The following LIN52 variants were observed in gnomAD, a reference collection of about 807,000 sequenced individuals.
LIN52 encodes lin-52 DREAM MuvB core complex component, also known as protein lin-52 homolog.
In LIN52, 4 loss-of-function variants were observed where a neutral mutation model predicts 18.5. That is an observed-to-expected ratio of 0.22 (90% CI 0.11 to 0.49). LIN52 has a LOEUF of 0.49. Among genes scored for constraint, LIN52 ranks in the 20% least tolerant of loss-of-function variants. The pLI is 0.97. For missense variants in LIN52, 102 were observed against 139.5 expected (o/e 0.73, Z 1.35); for synonymous variants, 34 against 45.5 (o/e 0.75, Z 1.02).
intron 5 of LIN52, among the ~76,000 whole-genome samples, chr14:74,188,401 G>A (rs1208348411): frequency 6.6e-6 from 1 of 151,992 alleles, no homozygotes; most frequent in Non-Finnish European, 1.5e-5. Flanking sequence ...TTGGGCCTCA[G>A]TGTTTGTTGG....
At chr14:74,166,811 A>G (rs1353229063) in intron 5 of LIN52, among the ~76,000 whole-genome samples, 1 of 152,206 alleles carries the variant, frequency 6.6e-6, no homozygotes, top group African/African-American at 2.4e-5. Context: ...GCCAATTTTC[A>G]TTATTAAGGT....
chr14:74,158,758 G>A (rs1021886273), intron 5 of LIN52, among the ~76,000 whole-genome samples: 6 of 152,232 alleles, frequency 3.9e-5, no homozygotes, highest in Non-Finnish European at 8.8e-5. Flanking sequence ...GATTACAGGC[G>A]TGAGCCACTG....
intron 5 of LIN52, among the ~76,000 whole-genome samples, chr14:74,193,363 A>G (rs1424437268): frequency 6.6e-6 from 1 of 151,888 alleles, no homozygotes; most frequent in East Asian, 1.9e-4. Context: ...GCAGTGAGCT[A>G]TGGCTGCACC....
At chr14:74,111,777 A>G (rs1352367311) in intron 5 of LIN52, among the ~76,000 whole-genome samples, 1 of 152,016 alleles carries the variant, frequency 6.6e-6, no homozygotes, top group East Asian at 1.9e-4. Context: ...TAACCTCTAG[A>G]TGGCAGCATG....
chr14:74,173,683 A>G (rs1450823432), intron 5 of LIN52, among the ~76,000 whole-genome samples: 1 of 152,272 alleles, frequency 6.6e-6, no homozygotes, highest in East Asian at 1.9e-4. Flanking sequence ...AATTATTCAT[A>G]GTATGTAAAT....
At chr14:74,087,569 C>G (rs1177756595) in intron 1 of LIN52, among the ~76,000 whole-genome samples, 1 of 151,960 alleles carries the variant, frequency 6.6e-6, no homozygotes, top group African/African-American at 2.4e-5. Context: ...CTGAAAAAAT[C>G]AAGTCAAGCA....
chr14:74,167,653 G>C (rs1378875661), intron 5 of LIN52, among the ~76,000 whole-genome samples: 1 of 152,166 alleles, frequency 6.6e-6, no homozygotes, highest in African/African-American at 2.4e-5. Flanking sequence ...TATTTGACAA[G>C]TGAAGTATTG....
At chr14:74,191,464 A>G (rs1023089998) in intron 5 of LIN52, among the ~76,000 whole-genome samples, 2 of 152,202 alleles carry the variant, frequency 1.3e-5, no homozygotes, top group African/African-American at 4.8e-5. Flanking sequence ...AATACATTCA[A>G]GATAGAATAC....
At chr14:74,086,479 C>T (rs1180905877) in intron 1 of LIN52, among the ~76,000 whole-genome samples, 1 of 151,744 alleles carries the variant, frequency 6.6e-6, no homozygotes, top group African/African-American at 2.4e-5. Flanking sequence ...ATGGTGAAAC[C>T]CCATCTCTAC....
At position 74,097,849 on chromosome 14, in the gene LIN52, A is replaced by G; in HGVS notation, c.188A>G (p.Asp63Gly). The change falls in exon 4 of 6, where the codon GAC becomes GGC. Residue 63 changes from aspartate (D) to glycine (G), a missense_variant. By Grantham distance (94) the Asp-to-Gly change is moderately conservative (BLOSUM62 -1). Transcript: ENST00000555028. ...GCTGAGATAGAACGTGATGACATCG[A>G]CATGTTGAAAGGTAAGTGATGCTAG... ...WMAEIERDDI[D>G]MLKELGSLTT... is the part of the protein sequence containing the mutation. The G allele has an allele frequency of 2.5e-6, 4 of 1,612,476 alleles. No individual in the cohort carries two copies. The highest frequency in any genetic ancestry group is 2.5e-6 in the Non-Finnish European group (3 of 1,178,500).
intron 5 of LIN52, among the ~76,000 whole-genome samples, chr14:74,105,007 T>G (rs1404333797): frequency 1.3e-5 from 2 of 152,228 alleles, no homozygotes; most frequent in African/African-American, 2.4e-5. Context: ...TAAAAAGGAC[T>G]GTATCTTATC....
intron 5 of LIN52, among the ~76,000 whole-genome samples, chr14:74,139,781 T>C (rs774205247): frequency 3.2e-4 from 48 of 152,208 alleles, no homozygotes; most frequent in Admixed American, 7.2e-4. Context: ...TTTTCTTTTA[T>C]GCAGCTAGCA....
At chr14:74,137,632 G>A (rs1478859255) in intron 5 of LIN52, among the ~76,000 whole-genome samples, 1 of 151,522 alleles carries the variant, frequency 6.6e-6, no homozygotes, top group African/African-American at 2.4e-5. Flanking sequence ...CCGAGTAGCT[G>A]GGATTACAGG....
At chr14:74,197,500 G>A (rs1487084061) in intron 5 of LIN52, among the ~76,000 whole-genome samples, 3 of 152,182 alleles carry the variant, frequency 2.0e-5, no homozygotes, top group Admixed American at 6.5e-5. Context: ...TTACATTTTA[G>A]TGGAGGAAGA....
chr14:74,095,888 A>C lies in LIN52; in HGVS notation c.95-60A>C, dbSNP rs767136558. The C allele has an allele frequency of 2.8e-6, 3 of 1,081,830 alleles. No individual in the cohort carries two copies. In the East Asian group the frequency reaches 7.3e-5, roughly 26 times the overall value. The allele number at this position is 1,081,830 out of a possible 1,614,324, so 67.0% of individuals were successfully genotyped here. A position where few individuals can be genotyped will look rare whatever the true frequency, so the allele number is the denominator to read the frequency against. On this transcript the variant is annotated intron_variant, in intron 2 of 5. Coordinates refer to ENST00000555028, the MANE Select transcript of LIN52 (RefSeq NM_001024674.3). ...ACAAAGCTGTTTTCTTATTATTTGG[A>C]TCTTCTATGCCTGAGCAATCATACT...
At chr14:74,165,981 TCCCG>T (rs988763142) in intron 5 of LIN52, among the ~76,000 whole-genome samples, 3 of 151,568 alleles carry the variant, frequency 2.0e-5, no homozygotes, top group African/African-American at 7.3e-5. Flanking sequence ...AACTTCCACC[TCCCG>T]GCTTCAAGCA....
rs2060716521 is a variant in LIN52, at chr14:74,085,132, C to T, written c.19+139C>T. ...CCCTTTTATTTTTTTTCTTGAGATC[C>T]ATCGCCGTCTTCAGCTCACCGGTTC... On this transcript the variant is annotated intron_variant, in intron 1 of 5. Transcript: ENST00000555028. 4 of 790,554 alleles carry T rather than the reference C, an allele frequency of 5.1e-6. No individual in the cohort carries two copies. The Admixed American group carries it at 1.5e-4, about 30-fold the overall frequency. 49.0% of individuals were successfully genotyped at this position (790,554 alleles called of 1,614,324 possible). A position where few individuals can be genotyped will look rare whatever the true frequency, so the allele number is the denominator to read the frequency against.
At chr14:74,098,006 C>T (rs918854146) in intron 4 of LIN52, 146 bp downstream of exon 4, 12 of 616,050 alleles carry the variant, frequency 1.9e-5, no homozygotes, top group Non-Finnish European at 3.4e-5. Flanking sequence ...TTCATGTCTG[C>T]AATGCCCTTC....
chr14:74,159,447 C>T (rs1225825384), intron 5 of LIN52, among the ~76,000 whole-genome samples: 1 of 152,142 alleles, frequency 6.6e-6, no homozygotes, highest in Non-Finnish European at 1.5e-5. Context: ...AATGTTACTA[C>T]TTACACAATT....
Sources: allele counts gnomAD v4.1 joint callset (sites outside exome capture counted in the v4.1 genomes callset), GRCh38; gene constraint gnomAD v4.1.1; transcripts MANE v1.5; gene names NCBI Gene and HGNC (gene_info 2026-07-23, HGNC 2026-07-21).